Variants in SLTM observed in about 807,000 individuals in gnomAD.
The protein encoded by SLTM is SAFB like transcription modulator, also known as SAFB-like transcription modulator.
In SLTM, 43 loss-of-function variants were observed where a neutral mutation model predicts 134.6. That is an observed-to-expected ratio of 0.32 (90% CI 0.25 to 0.41). The LOEUF is 0.41. Ranked by LOEUF, SLTM falls within the 10% of genes least tolerant of loss-of-function variation. The probability of loss-of-function intolerance (pLI) is 1.00; values close to 1 mark genes in which losing one functional copy is unlikely to be tolerated. For synonymous variants in SLTM, 424 were observed against 432.3 expected (o/e 0.98, Z 0.24); for missense variants, 1,055 against 1,288.8 (o/e 0.82, Z 2.78).
intron 3 of SLTM, among the ~76,000 whole-genome samples, chr15:58,914,650 G>C (rs2141135252): frequency 6.6e-6 from 1 of 152,162 alleles, no homozygotes; most frequent in East Asian, 1.9e-4. Context: ...AAGATCAAGG[G>C]AAGTTACCAA....
At chr15:58,890,122 T>C (rs2034540610) in intron 15 of SLTM, 159 bp downstream of exon 15, 5 of 733,664 alleles carry the variant, frequency 6.8e-6, no homozygotes, top group African/African-American at 1.8e-5. Flanking sequence ...TATTTTTAAC[T>C]AGTACCTAAT....
intron 14 of SLTM, 21 bp from the exon 15 acceptor site, chr15:58,890,482 G>A (rs2034565437): frequency 6.2e-7 from 1 of 1,608,430 alleles, no homozygotes; most frequent in Non-Finnish European, 8.5e-7. Context: ...TCAGTATTTA[G>A]AAATACTTAA....
At chr15:58,895,971 G>A (rs148058305) in intron 9 of SLTM, among the ~76,000 whole-genome samples, 1 of 152,278 alleles carries the variant, frequency 6.6e-6, no homozygotes, top group East Asian at 1.9e-4. Context: ...TGCACATGAA[G>A]TACACTAAAT....
Position 58,883,701 on chromosome 15 carries a change from T to G in SLTM, c.2921A>C (p.Gln974Pro). 1 of 1,614,054 alleles carries G rather than the reference T, an allele frequency of 6.2e-7. No homozygotes were observed. The highest frequency in any genetic ancestry group is 8.5e-7 in the Non-Finnish European group (1 of 1,180,004). ...CCTCGTATCATGATAGCTAGGCCCT[T>G]GAGAGGGTGGACCATGCCACTCTTT... ...PRKEWHGPPSQGPSYHDTRRM... is the reference protein window; with the variant it reads ...PRKEWHGPPSPGPSYHDTRRM... Residue 974 changes from glutamine (Q) to proline (P), a missense_variant, in exon 20 of 21, where the codon CAA (glutamine) becomes CCA (proline). Transcript: ENST00000380516.
At chr15:58,928,104 A>G (rs1485882190) in intron 2 of SLTM, among the ~76,000 whole-genome samples, 2 of 152,216 alleles carry the variant, frequency 1.3e-5, no homozygotes, top group African/African-American at 4.8e-5. Context: ...TAAAGCTGCC[A>G]GGTATTGCAA....
chr15:58,893,776 G>C, intron 12 of SLTM, 45 bp downstream of exon 12: 2 of 1,550,246 alleles, frequency 1.3e-6, no homozygotes, highest in Non-Finnish European at 1.7e-6. Context: ...TAAAAATTAA[G>C]TAGTAGAATG....
At chr15:58,890,565 T>C in intron 14 of SLTM, 104 bp from the exon 15 acceptor site, 3 of 1,130,142 alleles carry the variant, frequency 2.7e-6, no homozygotes, top group Non-Finnish European at 3.7e-6. Context: ...ATTTTAAATT[T>C]CAACTCAATC....
intron 8 of SLTM, 94 bp downstream of exon 8, chr15:58,898,709 G>A: frequency 1.1e-6 from 1 of 885,606 alleles, no homozygotes; most frequent in South Asian, 1.5e-5. Context: ...AATTTTTAAG[G>A]ACTAAATGTC....
chr15:58,916,783 G>A, intron 3 of SLTM, 152 bp downstream of exon 3: 1 of 563,300 alleles, frequency 1.8e-6, no homozygotes. Context: ...GAGTTAATGA[G>A]ATTGACAATA....
At position 58,933,400 on chromosome 15, in the gene SLTM, T is replaced by C. The variant is rs771678466; in HGVS notation, c.162+4A>G. On this transcript the variant is annotated splice_donor_region_variant and intron_variant, in intron 1 of 20. Transcript: ENST00000380516. Reference sequence around the variant, plus strand: ...GGTCCTTTCCGGTCCTCGCCGGGCCTCACCTGCTTGAGTCGGGAGATGAGC... The same window carrying C: ...GGTCCTTTCCGGTCCTCGCCGGGCCCCACCTGCTTGAGTCGGGAGATGAGC... 2.5e-6 allele frequency: 4 copies of C among 1,576,388 alleles called. No homozygotes were observed. In the Admixed American group the frequency reaches 7.1e-5, roughly 28 times the overall value.
At chr15:58,894,339 C>T in intron 10 of SLTM, 94 bp downstream of exon 10, 1 of 1,493,180 alleles carries the variant, frequency 6.7e-7, no homozygotes, top group Non-Finnish European at 9.2e-7. Flanking sequence ...TTAAAAATCA[C>T]TGCAAATTCT....
chr15:58,927,976 G>C (rs1237022599), intron 2 of SLTM, among the ~76,000 whole-genome samples: 2 of 152,156 alleles, frequency 1.3e-5, no homozygotes, highest in Non-Finnish European at 2.9e-5. Context: ...TAAATATGTA[G>C]TCTGTGGTAT....
chr15:58,882,001 G>C (rs71407077), intron 20 of SLTM, among the ~76,000 whole-genome samples: 96,495 of 151,268 alleles, frequency 0.64, 32,359 homozygotes, highest in Middle Eastern at 0.78. Flanking sequence ...ACAAGGTCAG[G>C]AGTTCAAGAC....
chr15:58,896,333 T>G (rs570348966), intron 9 of SLTM, among the ~76,000 whole-genome samples: 13 of 152,070 alleles, frequency 8.5e-5, no homozygotes, highest in Non-Finnish European at 1.5e-4. Context: ...CTGAGACTGG[T>G]GGATCACCTG....
At chr15:58,928,154 TC>T (rs2037616169) in intron 2 of SLTM, among the ~76,000 whole-genome samples, 2 of 152,334 alleles carry the variant, frequency 1.3e-5, no homozygotes, top group South Asian at 4.1e-4. Flanking sequence ...TACATATAGT[TC>T]TAAATACTGT....
In SLTM at chr15:58,933,488, C is replaced by T. The variant is rs1212827499; in HGVS notation, c.78G>A (p.Arg26=). Residue 26 remains arginine (R), a synonymous_variant, in exon 1 of 21, where the codon CGG becomes CGA. Coordinates refer to ENST00000380516, the MANE Select transcript of SLTM (RefSeq NM_024755.4). ...TCAGCTCGGACTTCAGATCGATGAC[C>T]CGCAGATCGGTGATCTTTTTACCTT... is the stretch of plus-strand genomic sequence containing the variant. ...QAEGKKITDL[R]VIDLKSELKR... is the part of the protein sequence containing the mutation. The T allele has an allele frequency of 1.9e-6, 3 of 1,599,794 alleles. No individual in the cohort carries two copies. The highest frequency in any genetic ancestry group is 2.6e-6 in the Non-Finnish European group (3 of 1,173,830).
intron 14 of SLTM, 122 bp downstream of exon 14, chr15:58,892,775 T>A (rs2034768371): frequency 1.0e-6 from 1 of 997,276 alleles, no homozygotes; most frequent in African/African-American, 1.6e-5. Flanking sequence ...GATGCTACCG[T>A]AACTTCTTTA....
At chr15:58,909,207 T>C (rs568575795) in intron 5 of SLTM, among the ~76,000 whole-genome samples, 14 of 152,234 alleles carry the variant, frequency 9.2e-5, no homozygotes, top group African/African-American at 1.4e-4. Context: ...TAGGATCATG[T>C]TGAGAAGACT....
chr15:58,924,076 A>T lies in SLTM; in HGVS notation c.251-7077T>A, dbSNP rs550748966. On this transcript the variant is annotated intron_variant, in intron 2 of 20. Transcript: ENST00000380516. ...GTGATCCACCGGCCTCGGCCTCCCAAGGTGCTGGGATTAGAGGCGTGAGCC... is the reference window on the plus strand; with the variant it reads ...GTGATCCACCGGCCTCGGCCTCCCATGGTGCTGGGATTAGAGGCGTGAGCC... 5.9e-5 allele frequency among the ~76,000 whole-genome samples: 9 copies of T among 152,224 alleles called. No individual in the cohort carries two copies. In the South Asian group the frequency reaches 1.7e-3, roughly 28 times the overall value.
Sources: allele counts gnomAD v4.1 joint callset (sites outside exome capture counted in the v4.1 genomes callset), GRCh38; gene constraint gnomAD v4.1.1; transcripts MANE v1.5; gene names NCBI Gene and HGNC (gene_info 2026-07-23, HGNC 2026-07-21).